STON2: variants seen among roughly 807,000 people sequenced by gnomAD.
The protein encoded by STON2 is stonin 2, also known as stonin-2.
Under a neutral mutation model 65.7 loss-of-function variants are expected in STON2, and 29 were observed. That is an observed-to-expected ratio of 0.44 (90% confidence interval 0.33 to 0.60). STON2 has a LOEUF of 0.60. Ranked by LOEUF, STON2 falls within the 20% of genes least tolerant of loss-of-function variation. STON2 has a pLI of 0.03. For synonymous variants in STON2, 404 were observed against 414.2 expected (o/e 0.98, Z 0.30); for missense variants, 1,054 against 1,118.1 (o/e 0.94, Z 0.82).
Position 81,277,862 on chromosome 14 carries a change from T to C in STON2, c.1620A>G (p.Ser540=), listed in dbSNP as rs1313626943. The change falls in exon 6 of 8, where the codon TCA becomes TCG. Residue 540 remains serine, a synonymous_variant. Transcript: ENST00000614646. The stretch of plus-strand genomic sequence containing the variant: ...CATCATAGTTTTGAAGCCGGGGTTC[T>C]GAAATCTCATGACAGATCTCCAGCT... ...EFKLEICHEI[S]EPRLQNYDEN... The C allele has an allele frequency of 1.2e-6, 2 of 1,614,214 alleles. No homozygotes were observed. The highest frequency in any genetic ancestry group is 4.5e-5 in the East Asian group (2 of 44,886).
At chr14:81,308,826 GTGTGTGTGTGTATATATATATAT>G (rs1896305398) in intron 5 of STON2, among the ~76,000 whole-genome samples, 1 of 8,618 alleles carries the variant, frequency 1.2e-4, no homozygotes, top group Non-Finnish European at 2.1e-4. Context: ...ATATATATAT[GTGTGTGTGTGTATATATATATAT>G]ATACACATAC....
chr14:81,349,294 A>G (rs1303515419), intron 4 of STON2, among the ~76,000 whole-genome samples: 3 of 152,156 alleles, frequency 2.0e-5, no homozygotes, highest in African/African-American at 7.2e-5. Context: ...TAATAGTGCA[A>G]AGAGTCAACC....
chr14:81,294,464 C>T (rs1010396360), intron 5 of STON2, among the ~76,000 whole-genome samples: 1 of 152,204 alleles, frequency 6.6e-6, no homozygotes, highest in Non-Finnish European at 1.5e-5. Context: ...ACTCCACCTA[C>T]TAGCTCTGTG....
chr14:81,327,835 A>G (rs1282389794), intron 4 of STON2, among the ~76,000 whole-genome samples: 1 of 152,226 alleles, frequency 6.6e-6, no homozygotes, highest in Non-Finnish European at 1.5e-5. Flanking sequence ...TTTCTGTAAC[A>G]TAACAACAAG....
chr14:81,396,004 G>A lies in STON2; in HGVS notation c.263C>T (p.Pro88Leu), dbSNP rs1900297295. The change falls in exon 3 of 8, where the codon CCT becomes CTT. Residue 88 changes from proline (P) to leucine (L), a missense_variant. Coordinates refer to ENST00000614646, the MANE Select transcript of STON2 (RefSeq NM_001394390.1). ...GGCCAGGTCAGGTGGGGGCTGCTCA[G>A]GGCTCCCAGGTGGGGAAGCTGCTTC... ...ISEAASPPGS[P>L]EQPPPDLASA... 9 of 1,614,066 alleles carry A rather than the reference G, an allele frequency of 5.6e-6. No individual in the cohort carries two copies. The highest frequency in any genetic ancestry group is 1.1e-5 in the South Asian group (1 of 91,092).
At chr14:81,307,200 G>C (rs1431821786) in intron 5 of STON2, among the ~76,000 whole-genome samples, 1 of 152,216 alleles carries the variant, frequency 6.6e-6, no homozygotes, top group Non-Finnish European at 1.5e-5. Context: ...CTTCAAGTGA[G>C]TCTAAGCTGG....
intron 4 of STON2, chr14:81,333,271 C>A: frequency 1.4e-6 from 1 of 712,640 alleles, no homozygotes; most frequent in South Asian, 1.4e-5. Context: ...GTTGCCTTCC[C>A]GGGGTGAAGG....
At chr14:81,357,968 G>A (rs1898323686) in intron 4 of STON2, among the ~76,000 whole-genome samples, 4 of 151,610 alleles carry the variant, frequency 2.6e-5, no homozygotes, top group African/African-American at 9.7e-5. Flanking sequence ...CAGCGCACCA[G>A]CATGTCACAT....
intron 3 of STON2, among the ~76,000 whole-genome samples, chr14:81,384,564 T>G (rs1039500314): frequency 3.9e-5 from 6 of 152,180 alleles, no homozygotes; most frequent in Non-Finnish European, 5.9e-5. Context: ...ACTTCTTTAG[T>G]GTGTTTCTGG....
At chr14:81,367,392 G>T (rs1898786562) in intron 4 of STON2, among the ~76,000 whole-genome samples, 1 of 152,068 alleles carries the variant, frequency 6.6e-6, no homozygotes. Flanking sequence ...GGCCAGGGTG[G>T]TCTCAAACTC....
In STON2 at chr14:81,267,424, G is replaced by A; in HGVS notation, c.*990C>T. ...AACAGCTTTAAAAATTATCTTTGCA[G>A]CTTAAATTTCCTATAAAGTTGGGTT... On this transcript the variant is annotated 3_prime_UTR_variant, in exon 8 of 8. Coordinates refer to ENST00000614646, the MANE Select transcript of STON2 (RefSeq NM_001394390.1). The A allele has an allele frequency of 1.0e-6, 1 of 985,318 alleles. No homozygotes were observed. Among genetic ancestry groups the A allele is most frequent in the Non-Finnish European group, 1.2e-6 (1 of 829,884 alleles). The allele number at this position is 985,318 out of a possible 1,614,324, so 61.0% of individuals were successfully genotyped here.
chr14:81,387,875 G>A (rs1156759914), intron 3 of STON2, among the ~76,000 whole-genome samples: 2 of 146,892 alleles, frequency 1.4e-5, no homozygotes, highest in African/African-American at 5.0e-5. Flanking sequence ...TGGGTGACAA[G>A]AGTGAGACTC....
chr14:81,277,611 A>G lies in STON2; in HGVS notation c.1871T>C (p.Leu624Pro). 6.2e-7 allele frequency: 1 copy of G among 1,614,170 alleles called. No individual in the cohort carries two copies. The highest frequency in any genetic ancestry group is 8.5e-7 in the Non-Finnish European group (1 of 1,180,028). ...MDLSTVGLNYLEEEITVDVRD... is the reference protein window; with the variant it reads ...MDLSTVGLNYPEEEITVDVRD... ...GACATCCACTGTAATCTCCTCTTCA[A>G]GGTAGTTGAGGCCAACTGTGCTCAA... Residue 624 changes from leucine to proline, a missense_variant, in exon 6 of 8, where the codon CTT (leucine) becomes CCT (proline). By Grantham distance (98) the Leu-to-Pro change is moderately conservative. Coordinates refer to ENST00000614646, the MANE Select transcript of STON2 (RefSeq NM_001394390.1).
At position 81,277,067 on chromosome 14, in the gene STON2, C is replaced by T. The variant is rs1185822521; in HGVS notation, c.2415G>A (p.Leu805=). 1 of 1,614,234 alleles carries T rather than the reference C, an allele frequency of 6.2e-7. No individual in the cohort carries two copies. Among genetic ancestry groups the T allele is most frequent in the Non-Finnish European group, 8.5e-7 (1 of 1,180,052 alleles). Residue 805 remains leucine, a synonymous_variant, in exon 6 of 8, where the codon CTG becomes CTA. Transcript: ENST00000614646. ...CTTTGGCTTTCAAAGACTTTTCCCC[C>T]AGGACACTTTCCCTGCGGAAGTTTT... ...WVKNFRRESV[L]GEKSLKAKVN...
At chr14:81,288,544 G>T (rs1315711193) in intron 5 of STON2, among the ~76,000 whole-genome samples, 3 of 152,166 alleles carry the variant, frequency 2.0e-5, no homozygotes, top group Non-Finnish European at 2.9e-5. Context: ...TGGTTGTAGA[G>T]TCATACAGGA....
intron 3 of STON2, among the ~76,000 whole-genome samples, chr14:81,388,559 G>A (rs1427403035): frequency 6.6e-6 from 1 of 152,154 alleles, no homozygotes; most frequent in Non-Finnish European, 1.5e-5. Context: ...TCAAAAATAA[G>A]AGACGTACCA....
chr14:81,361,541 A>G (rs947117231), intron 4 of STON2, among the ~76,000 whole-genome samples: 1 of 152,160 alleles, frequency 6.6e-6, no homozygotes, highest in Non-Finnish European at 1.5e-5. Flanking sequence ...AAACTGTAAA[A>G]CTATTGGAAG....
intron 4 of STON2, among the ~76,000 whole-genome samples, chr14:81,358,241 A>C (rs1898337360): frequency 1.3e-5 from 2 of 152,062 alleles, no homozygotes; most frequent in Admixed American, 1.3e-4. Flanking sequence ...TTACAAAATA[A>C]TATAAATTCT....
chr14:81,364,415 T>C (rs1898629563), intron 4 of STON2, among the ~76,000 whole-genome samples: 1 of 152,058 alleles, frequency 6.6e-6, no homozygotes, highest in Admixed American at 6.5e-5. Flanking sequence ...CTAATACAGG[T>C]AGTTTGTCAA....
Sources: gnomAD v4.1 joint callset for allele counts (sites outside exome capture counted in the v4.1 genomes callset) on GRCh38, gnomAD v4.1.1 for gene constraint, MANE v1.5 for transcripts, NCBI Gene and HGNC (gene_info 2026-07-23, HGNC 2026-07-21) for gene names.